The following RNF111 variants were observed in gnomAD, a reference collection of about 807,000 sequenced individuals.
RNF111 encodes ring finger protein 111.
A neutral mutation model predicts 95.1 loss-of-function variants in RNF111; 17 were observed. The ratio of observed to expected loss-of-function variants is 0.18; its 90% CI spans 0.12 to 0.27. The LOEUF is 0.27. RNF111 is among the 10% of genes least tolerant of loss of function. The pLI, the probability that RNF111 is intolerant of heterozygous loss-of-function variation, is 1.00. For synonymous variants in RNF111, 440 were observed against 414.8 expected, an observed-to-expected ratio of 1.06 and a Z score of -0.74; for missense variants, 1,189 against 1,210.4, an observed-to-expected ratio of 0.98 and a Z score of 0.26.
intron 1 of RNF111, among the ~76,000 whole-genome samples, chr15:59,003,520 T>G (rs2039415224): frequency 6.6e-6 from 1 of 151,948 alleles, no homozygotes; most frequent in South Asian, 2.1e-4. Context: ...CACCTCAGCC[T>G]CTCCAGTAGC....
At chr15:59,006,301 A>C (rs1456825908) in intron 1 of RNF111, among the ~76,000 whole-genome samples, 1 of 152,222 alleles carries the variant, frequency 6.6e-6, no homozygotes, top group African/African-American at 2.4e-5. Flanking sequence ...TTAGCACCCC[A>C]ATCAGGACAT....
At chr15:59,051,321 G>T (rs1405825354) in intron 2 of RNF111, among the ~76,000 whole-genome samples, 1 of 152,048 alleles carries the variant, frequency 6.6e-6, no homozygotes, top group African/African-American at 2.4e-5. Flanking sequence ...AGCTGGGCCT[G>T]GTGGCAGGTG....
intron 6 of RNF111, among the ~76,000 whole-genome samples, chr15:59,067,990 A>G (rs73416900): frequency 0.044 from 6,735 of 152,288 alleles, 518 homozygotes; most frequent in African/African-American, 0.15. Flanking sequence ...CAAAATGTCA[A>G]CTAGTATTAA....
At chr15:59,009,746 G>A (rs1475439302) in intron 1 of RNF111, among the ~76,000 whole-genome samples, 1 of 152,042 alleles carries the variant, frequency 6.6e-6, no homozygotes, top group Non-Finnish European at 1.5e-5. Flanking sequence ...CTTGAAGCCA[G>A]GAGTTTGAGA....
chr15:58,993,443 CAGG>C (rs1417576651), intron 1 of RNF111, among the ~76,000 whole-genome samples: 1 of 152,004 alleles, frequency 6.6e-6, no homozygotes, highest in African/African-American at 2.4e-5. Flanking sequence ...GAGGCTGAGA[CAGG>C]AGAATTGCTT....
At chr15:58,992,150 T>G (rs1314891667) in intron 1 of RNF111, among the ~76,000 whole-genome samples, 1 of 152,132 alleles carries the variant, frequency 6.6e-6, no homozygotes, top group Non-Finnish European at 1.5e-5. Context: ...GTTCAAGCAA[T>G]TCTTCTGCGT....
chr15:59,061,291 A>T (rs1345143444), intron 5 of RNF111, among the ~76,000 whole-genome samples: 1 of 152,180 alleles, frequency 6.6e-6, no homozygotes, highest in Non-Finnish European at 1.5e-5. Flanking sequence ...ACATTAGTTC[A>T]ACTATGTTCT....
chr15:59,055,658 A>G, intron 3 of RNF111, 24 bp from the exon 4 acceptor site: 1 of 1,526,136 alleles, frequency 6.6e-7, no homozygotes, highest in African/African-American at 1.4e-5. Flanking sequence ...TATATTTACT[A>G]ACTTAATATT....
chr15:59,055,741 C>A lies in RNF111; in HGVS notation c.1067C>A (p.Ala356Glu), dbSNP rs1185546408. The change falls in exon 4 of 14, where the codon GCA becomes GAA. Residue 356 changes from alanine to glutamate, a missense_variant. By Grantham distance (107) the Ala-to-Glu change is moderately radical. Coordinates refer to ENST00000348370, the MANE Select transcript of RNF111 (RefSeq NM_017610.8). The stretch of plus-strand genomic sequence containing the variant: ...TGGAGCCAGGGTTCCAGTTCTCATG[C>A]AAGTCGGCCACAGGAGCCACGGAAC... The part of the protein sequence containing the change: ...SHWSQGSSSH[A>E]SRPQEPRNRS... 2.5e-6 allele frequency: 4 copies of A among 1,613,856 alleles called. No individual in the cohort carries two copies. The East Asian group carries it at 8.9e-5, about 36-fold the overall frequency.
At chr15:59,077,367 C>T (rs1484729516) in intron 7 of RNF111, among the ~76,000 whole-genome samples, 1 of 152,150 alleles carries the variant, frequency 6.6e-6, no homozygotes. Context: ...CTAAAACATT[C>T]AGACTGTGCA....
chr15:59,058,189 A>AT (rs1290077098), intron 4 of RNF111, among the ~76,000 whole-genome samples, 167 bp from the exon 5 acceptor site: 1 of 152,220 alleles, frequency 6.6e-6, no homozygotes, highest in East Asian at 1.9e-4. Context: ...CGTCTGTTCG[A>AT]TATTGCAGTT....
At position 59,076,235 on chromosome 15, in the gene RNF111, A is replaced by G; in HGVS notation, c.1948+20A>G. The G allele has an allele frequency of 6.2e-7, 1 of 1,603,158 alleles. No individual in the cohort carries two copies. Among genetic ancestry groups the G allele is most frequent in the Non-Finnish European group, 8.5e-7 (1 of 1,172,772 alleles). On this transcript the variant is annotated intron_variant, in intron 7 of 13. Transcript: ENST00000348370. ...CCCCTTGTAAGTATATACTTAGTGG[A>G]CACAAAATCTAGAGTCATGTCAATG...
chr15:58,996,685 G>T (rs2039091753), intron 1 of RNF111, among the ~76,000 whole-genome samples: 1 of 102,040 alleles, frequency 9.8e-6, no homozygotes, highest in Non-Finnish European at 1.9e-5. Context: ...TTTTACCCAG[G>T]CAGTTACTGT....
intron 1 of RNF111, among the ~76,000 whole-genome samples, chr15:59,012,083 A>G (rs1281348865): frequency 8.4e-6 from 1 of 119,490 alleles, no homozygotes; most frequent in East Asian, 2.9e-4. Flanking sequence ...GAGTGGTGCG[A>G]TCTTGCGTCA....
chr15:59,001,632 A>G (rs150922298), intron 1 of RNF111, among the ~76,000 whole-genome samples: 2 of 152,342 alleles, frequency 1.3e-5, no homozygotes, highest in East Asian at 3.9e-4. Flanking sequence ...TAGGAAGACT[A>G]AGTCTATTTT....
In RNF111 at chr15:59,091,195, AG is replaced by A. The variant is rs761625836; in HGVS notation, c.2739+43del. 7 of 1,186,308 alleles carry A rather than the reference AG, an allele frequency of 5.9e-6. No individual in the cohort carries two copies. In the South Asian group the frequency reaches 9.1e-5, roughly 15 times the overall value. The allele number at this position is 1,186,308 out of a possible 1,614,324, so 73.5% of individuals were successfully genotyped here. ...ATGAAACTTCTGGAGTGTTACTGAA[AG>A]GCATAAATGTAATATATACCTTTTT... On this transcript the variant is annotated intron_variant, in intron 12 of 13. Coordinates refer to ENST00000348370, the MANE Select transcript of RNF111 (RefSeq NM_017610.8).
chr15:59,015,144 A>G (rs757832322), intron 1 of RNF111, among the ~76,000 whole-genome samples: 27 of 152,174 alleles, frequency 1.8e-4, no homozygotes, highest in Non-Finnish European at 3.4e-4. Flanking sequence ...CCAAAGTCGA[A>G]TTTTTTAAAT....
Position 59,055,706 on chromosome 15 carries a change from C to T in RNF111, c.1032C>T (p.Ser344=). ...SYRSRSTLGH[S]RSHWSQGSSS... is the part of the protein sequence containing the mutation. Reference sequence around the variant, plus strand: ...GGTCTCGTTCAACCCTTGGACACTCCAGATCTCATTGGAGCCAGGGTTCCA... The same window carrying T: ...GGTCTCGTTCAACCCTTGGACACTCTAGATCTCATTGGAGCCAGGGTTCCA... Residue 344 remains serine (S), a synonymous_variant, in exon 4 of 14, where the codon TCC becomes TCT. Transcript: ENST00000348370. 1 of 1,613,810 alleles carries T rather than the reference C, an allele frequency of 6.2e-7. No homozygotes were observed. The highest frequency in any genetic ancestry group is 8.5e-7 in the Non-Finnish European group (1 of 1,179,874).
At chr15:59,078,752 G>C (rs1016671889) in intron 7 of RNF111, among the ~76,000 whole-genome samples, 2 of 151,596 alleles carry the variant, frequency 1.3e-5, no homozygotes, top group Non-Finnish European at 2.9e-5. Flanking sequence ...GCAGCTACTC[G>C]GGAGGCTGAG....
Sources: allele counts gnomAD v4.1 joint callset (sites outside exome capture counted in the v4.1 genomes callset), GRCh38; gene constraint gnomAD v4.1.1; transcripts MANE v1.5; gene names NCBI Gene and HGNC (gene_info 2026-07-23, HGNC 2026-07-21).